The following TOM1L2 variants were observed in gnomAD, a reference collection of about 807,000 sequenced individuals.
TOM1L2 encodes TOM1-like protein 2.
In TOM1L2, 31 loss-of-function variants were observed where a neutral mutation model predicts 67.9. The ratio of observed to expected loss-of-function variants is 0.46; its 90% CI spans 0.34 to 0.62. The LOEUF (loss-of-function observed/expected upper bound fraction) is 0.62, where lower values mean the gene tolerates loss of function less well. TOM1L2 is among the 20% of genes least tolerant of loss of function. The pLI is 0.01. For missense variants in TOM1L2, 606 were observed against 663.5 expected, an observed-to-expected ratio of 0.91 and a Z score of 0.95; for synonymous variants, 256 against 254.0, an observed-to-expected ratio of 1.01 and a Z score of -0.07.
At chr17:17,874,970 G>A (rs1043165699) in intron 7 of TOM1L2, among the ~76,000 whole-genome samples, 1 of 152,118 alleles carries the variant, frequency 6.6e-6, no homozygotes, top group African/African-American at 2.4e-5. Context: ...CAAAAAGGAA[G>A]AAAAGGCCAT....
chr17:17,871,278 G>C (rs2037139891), intron 7 of TOM1L2, among the ~76,000 whole-genome samples: 1 of 152,166 alleles, frequency 6.6e-6, no homozygotes, highest in Non-Finnish European at 1.5e-5. Context: ...GACTGAGGCA[G>C]GAGAATGGCG....
intron 7 of TOM1L2, among the ~76,000 whole-genome samples, chr17:17,872,290 G>A (rs1187141603): frequency 2.0e-5 from 3 of 152,356 alleles, no homozygotes; most frequent in Admixed American, 1.3e-4. Context: ...ATCACGTGAA[G>A]GATTCCAACA....
chr17:17,906,126 CTT>C, intron 2 of TOM1L2, among the ~76,000 whole-genome samples: 1 of 110,110 alleles, frequency 9.1e-6, no homozygotes, highest in African/African-American at 4.8e-5. Context: ...TTTGTCTTCT[CTT>C]TTCATTTTTT....
rs115790948 is a variant in TOM1L2 at position 17,940,662 on chromosome 17, G to T, written c.52+31600C>A. Reference sequence around the variant, plus strand: ...CCCTCAGCAATGCCATTCCGATGAAGTTCAAGGCAAATTCTTTTCCTAATT... The same window carrying T: ...CCCTCAGCAATGCCATTCCGATGAATTTCAAGGCAAATTCTTTTCCTAATT... On this transcript the variant is annotated intron_variant, in intron 1 of 14. Transcript: ENST00000379504. Among the ~76,000 whole-genome samples the T allele has an allele frequency of 4.9e-3, 741 of 152,324 alleles. 8 individuals are homozygous for T. Among genetic ancestry groups the T allele is most frequent in the African/African-American group, 0.017 (706 of 41,558 alleles).
intron 1 of TOM1L2, among the ~76,000 whole-genome samples, chr17:17,911,485 GGTTTT>G (rs1260488079): frequency 2.6e-5 from 4 of 152,112 alleles, no homozygotes; most frequent in African/African-American, 9.7e-5. Flanking sequence ...TGTTGCACCA[GGTTTT>G]ATTTTAGGTT....
At chr17:17,962,534 G>C (rs184187648) in intron 1 of TOM1L2, among the ~76,000 whole-genome samples, 3 of 151,826 alleles carry the variant, frequency 2.0e-5, no homozygotes, top group Non-Finnish European at 4.4e-5. Flanking sequence ...GGCTGGTCTC[G>C]AACTCCTGAG....
intron 1 of TOM1L2, among the ~76,000 whole-genome samples, chr17:17,909,159 C>A (rs770586024): frequency 6.6e-6 from 1 of 152,070 alleles, no homozygotes; most frequent in Admixed American, 6.6e-5. Flanking sequence ...CCAACCCGGG[C>A]GACAGAGCCA....
chr17:17,891,784 C>CGTGTGTGTGTGTGTGTGTGTGT (rs374192888), intron 4 of TOM1L2, among the ~76,000 whole-genome samples: 6 of 143,126 alleles, frequency 4.2e-5, no homozygotes, highest in African/African-American at 1.6e-4. Flanking sequence ...TGCATGCACA[C>CGTGTGTGTGTGTGTGTGTGTGT]GTGTGTGTGT....
chr17:17,857,779 G>T, intron 12 of TOM1L2: 1 of 1,535,596 alleles, frequency 6.5e-7, no homozygotes, highest in Non-Finnish European at 8.7e-7. Flanking sequence ...CATTCCTTGG[G>T]TTATAAGCCA....
intron 3 of TOM1L2, among the ~76,000 whole-genome samples, chr17:17,896,841 T>G (rs2038598959): frequency 1.3e-5 from 2 of 152,188 alleles, no homozygotes; most frequent in Non-Finnish European, 2.9e-5. Flanking sequence ...GGTACAGATA[T>G]GAAGTCCGGA....
At chr17:17,936,414 G>A (rs917103316) in intron 1 of TOM1L2, among the ~76,000 whole-genome samples, 1 of 152,096 alleles carries the variant, frequency 6.6e-6, no homozygotes, top group Non-Finnish European at 1.5e-5. Context: ...CATATGTAAA[G>A]CAATATAAAT....
intron 2 of TOM1L2, among the ~76,000 whole-genome samples, chr17:17,902,545 G>A (rs1175846939): frequency 2.0e-5 from 3 of 152,250 alleles, no homozygotes; most frequent in Non-Finnish European, 2.9e-5. Context: ...CACTGAAACA[G>A]GCTGTCACTA....
At chr17:17,939,967 A>G (rs1046267675) in intron 1 of TOM1L2, among the ~76,000 whole-genome samples, 2 of 151,842 alleles carry the variant, frequency 1.3e-5, no homozygotes, top group African/African-American at 2.4e-5. Context: ...CCAAGTCGGG[A>G]GGATCACTTG....
chr17:17,949,258 C>T (rs1389681869), intron 1 of TOM1L2, among the ~76,000 whole-genome samples: 1 of 152,138 alleles, frequency 6.6e-6, no homozygotes, highest in Admixed American at 6.6e-5. Flanking sequence ...GTGTGGAACT[C>T]GTGCCAGGAA....
chr17:17,925,890 GT>G (rs1272564628), intron 1 of TOM1L2, among the ~76,000 whole-genome samples: 1 of 150,402 alleles, frequency 6.6e-6, no homozygotes, highest in African/African-American at 2.4e-5. Context: ...TAGGCTATAG[GT>G]TAGTCGTGGT....
rs1014922509 is a variant in TOM1L2 at position 17,919,506 on chromosome 17, C to T, written c.53-11975G>A. Among the ~76,000 whole-genome samples, 4 of 152,206 alleles carry T rather than the reference C, an allele frequency of 2.6e-5. No individual in the cohort carries two copies. In the East Asian group the frequency reaches 5.8e-4, roughly 22 times the overall value. On this transcript the variant is annotated intron_variant, in intron 1 of 14. Transcript: ENST00000379504. ...AAGGAAGCCCCCAAACTTGGCTTGCCCCACCTGTAGGGTAAAGGAGCAGGC... is the reference window on the plus strand; with the variant it reads ...AAGGAAGCCCCCAAACTTGGCTTGCTCCACCTGTAGGGTAAAGGAGCAGGC...
At chr17:17,918,594 C>T (rs538215192) in intron 1 of TOM1L2, among the ~76,000 whole-genome samples, 15 of 152,176 alleles carry the variant, frequency 9.9e-5, no homozygotes, top group Non-Finnish European at 2.1e-4. Flanking sequence ...CTGAGAAAGT[C>T]ACCTCAGACT....
intron 1 of TOM1L2, among the ~76,000 whole-genome samples, chr17:17,971,742 G>C (rs1418635333): frequency 6.6e-6 from 1 of 152,240 alleles, no homozygotes; most frequent in Non-Finnish European, 1.5e-5. Context: ...CCAGCAGTTG[G>C]CACCACCTCT....
chr17:17,969,338 G>A (rs1036789835), intron 1 of TOM1L2, among the ~76,000 whole-genome samples: 1 of 152,220 alleles, frequency 6.6e-6, no homozygotes, highest in East Asian at 1.9e-4. Flanking sequence ...TTACAGGCAT[G>A]AGCCACCACA....
Sources: gnomAD v4.1 joint callset for allele counts (sites outside exome capture counted in the v4.1 genomes callset) on GRCh38, gnomAD v4.1.1 for gene constraint, MANE v1.5 for transcripts, NCBI Gene and HGNC (gene_info 2026-07-23, HGNC 2026-07-21) for gene names.